Variants in TERF1 observed in about 807,000 individuals in gnomAD.
TERF1 encodes the protein telomeric repeat-binding factor 1.
TERF1 carries 20 observed loss-of-function variants against 55.1 expected under a neutral mutation model. That is an observed-to-expected ratio of 0.36 (90% CI 0.26 to 0.53). TERF1 has a LOEUF of 0.53. Among genes scored for constraint, TERF1 ranks in the 20% least tolerant of loss-of-function variants. The pLI, the probability that TERF1 is intolerant of heterozygous loss-of-function variation, is 0.91. For synonymous variants in TERF1, 168 were observed against 181.2 expected (o/e 0.93, Z 0.59); for missense variants, 439 against 535.7 (o/e 0.82, Z 1.78).
In TERF1 at chr8:73,009,128, T is replaced by C; in HGVS notation, c.242T>C (p.Phe81Ser). ...EAVAAGWMLD[F>S]LCLSLCRAFR... ...GTGGCTGCCGGCTGGATGCTCGATT[T>C]CCTCTGCCTCTCTCTTTGCCGAGCT... The change falls in exon 1 of 10, where the codon TTC becomes TCC. Residue 81 changes from phenylalanine to serine, a missense_variant. Around this residue, in one of 4 missense-constraint regions of TERF1, gnomAD observed 179 missense variants for 152.6 expected, o/e 1.17. Coordinates refer to ENST00000276603, the MANE Select transcript of TERF1 (RefSeq NM_017489.3). The C allele has an allele frequency of 6.2e-7, 1 of 1,611,134 alleles. No homozygotes were observed. Among genetic ancestry groups the C allele is most frequent in the Non-Finnish European group, 8.5e-7 (1 of 1,179,732 alleles).
At chr8:73,021,705 A>G (rs570250860) in intron 3 of TERF1, among the ~76,000 whole-genome samples, 36 of 152,188 alleles carry the variant, frequency 2.4e-4, no homozygotes, top group Non-Finnish European at 4.4e-4. Flanking sequence ...CCAAATGGTA[A>G]GTGGTCCTGT....
intron 5 of TERF1, among the ~76,000 whole-genome samples, chr8:73,025,431 GA>G (rs1232097773): frequency 6.6e-6 from 1 of 150,684 alleles, no homozygotes. Flanking sequence ...GCGACATGGT[GA>G]AACCCCTTAT....
intron 6 of TERF1, among the ~76,000 whole-genome samples, chr8:73,028,379 A>C (rs1303529942): frequency 1.3e-5 from 2 of 152,084 alleles, no homozygotes; most frequent in African/African-American, 4.8e-5. Context: ...CACCTCAGAA[A>C]TGCTTCTCCA....
chr8:73,042,545 C>G (rs1048762759), intron 9 of TERF1, among the ~76,000 whole-genome samples: 1 of 152,000 alleles, frequency 6.6e-6, no homozygotes, highest in African/African-American at 2.4e-5. Context: ...GATATTTCTT[C>G]CTTCCTCATC....
chr8:73,029,565 T>G (rs1349080126), intron 6 of TERF1, among the ~76,000 whole-genome samples: 4 of 130,698 alleles, frequency 3.1e-5, no homozygotes, highest in Admixed American at 7.3e-5. Flanking sequence ...AAGCTGTGTT[T>G]GTGCCACTGC....
At chr8:73,022,040 C>T (rs1490593476) in intron 3 of TERF1, among the ~76,000 whole-genome samples, 176 bp from the exon 4 acceptor site, 3 of 152,030 alleles carry the variant, frequency 2.0e-5, no homozygotes, top group Admixed American at 6.6e-5. Flanking sequence ...TCATTTCAAG[C>T]GACACTTATT....
chr8:73,041,545 G>C (rs1257449961), intron 9 of TERF1, among the ~76,000 whole-genome samples: 2 of 152,180 alleles, frequency 1.3e-5, no homozygotes, highest in Non-Finnish European at 1.5e-5. Flanking sequence ...GAAGGCTAGA[G>C]AGGGGTGGAG....
rs1465470533 is a variant in TERF1, at chr8:73,047,293, T to C, written c.*1156T>C. On this transcript the variant is annotated 3_prime_UTR_variant, in exon 10 of 10. Coordinates refer to ENST00000276603, the MANE Select transcript of TERF1 (RefSeq NM_017489.3). ...TCTCATTTAGAAACAATTTGACTTT[T>C]GTTCCAGTGTTTAAACTTTGACAAA... 1.3e-5 allele frequency: 2 copies of C among 152,192 alleles called. No individual in the cohort carries two copies. Among genetic ancestry groups the C allele is most frequent in the African/African-American group, 4.8e-5 (2 of 41,434 alleles). 9.4% of individuals were successfully genotyped at this position (152,192 alleles called of 1,614,324 possible).
Position 73,009,090 on chromosome 8 carries a change from CG to C in TERF1, c.205del (p.Glu69ArgfsTer47), listed in dbSNP as rs779461763. 6.2e-7 allele frequency: 1 copy of C among 1,609,290 alleles called. No homozygotes were observed. The highest frequency in any genetic ancestry group is 8.5e-7 in the Non-Finnish European group (1 of 1,178,542). Reference sequence around the variant, plus strand: ...AGGAGGAGGACGCGGGCCTGGTGGCCGAGGCCGAGGCCGTGGCTGCCGGCTG... The same window carrying C: ...AGGAGGAGGACGCGGGCCTGGTGGCCAGGCCGAGGCCGTGGCTGCCGGCTG... ...EEEEDAGLVA[E>X]AEAVAAGWML... On this transcript the variant is annotated frameshift_variant, in exon 1 of 10. Transcript: ENST00000276603. LOFTEE classifies it high-confidence loss of function.
At chr8:73,033,351 C>G (rs192991058) in intron 8 of TERF1, among the ~76,000 whole-genome samples, 21 of 152,170 alleles carry the variant, frequency 1.4e-4, no homozygotes, top group Admixed American at 7.8e-4. Flanking sequence ...ATACCTATTG[C>G]TGCAAGACGG....
intron 2 of TERF1, among the ~76,000 whole-genome samples, chr8:73,015,070 C>T (rs939748813): frequency 2.6e-5 from 4 of 152,176 alleles, no homozygotes; most frequent in African/African-American, 9.7e-5. Context: ...AGCAGTTGTT[C>T]AGCACATCTT....
intron 2 of TERF1, among the ~76,000 whole-genome samples, chr8:73,019,807 T>C (rs1808673614): frequency 6.6e-6 from 1 of 152,244 alleles, no homozygotes; most frequent in Non-Finnish European, 1.5e-5. Flanking sequence ...CACATTACGC[T>C]GTTCTCAGCT....
In TERF1 at chr8:73,009,021, C is replaced by T. The variant is rs771416590; in HGVS notation, c.135C>T (p.Leu45=). 33 of 1,611,108 alleles carry T rather than the reference C, an allele frequency of 2.0e-5. No individual in the cohort carries two copies. The South Asian group carries it at 3.2e-4, about 16-fold the overall frequency. Residue 45 remains leucine (L), a synonymous_variant, in exon 1 of 10, where the codon CTC becomes CTT. Transcript: ENST00000276603. ...AGCAGTTCGAATGCCAGGAACTGCT[C>T]GAGTGCCAGGTGCAGGTGGGGGCCC... is the stretch of plus-strand genomic sequence containing the variant. ...DEEQFECQEL[L]ECQVQVGAPE...
chr8:73,030,199 A>G (rs568718302), intron 6 of TERF1, 137 bp from the exon 7 acceptor site: 1 of 560,972 alleles, frequency 1.8e-6, no homozygotes, highest in East Asian at 3.4e-5. Flanking sequence ...TGGACTGTAT[A>G]TGTCCCGATG....
intron 6 of TERF1, among the ~76,000 whole-genome samples, chr8:73,028,571 ATTTTTT>A (rs59423351): frequency 2.9e-5 from 3 of 104,416 alleles, no homozygotes; most frequent in African/African-American, 1.1e-4. Context: ...ACGTAGACCC[ATTTTTT>A]TTTTTTTTTT....
Position 73,045,891 on chromosome 8 carries a change from G to A in TERF1, c.1144-70G>A, listed in dbSNP as rs1450043928. On this transcript the variant is annotated intron_variant, in intron 9 of 9. Transcript: ENST00000276603. The stretch of plus-strand genomic sequence containing the variant: ...GCATTATTTTGATTTTTTAAAACTG[G>A]CATTTATAGTAGGTATTTTCTTTTT... 9.0e-6 allele frequency: 11 copies of A among 1,217,624 alleles called. No individual in the cohort carries two copies. The Admixed American group carries it at 1.2e-4, about 13-fold the overall frequency. The allele number at this position is 1,217,624 out of a possible 1,614,324, so 75.4% of individuals were successfully genotyped here.
chr8:73,034,854 T>C (rs1432669029), intron 8 of TERF1, among the ~76,000 whole-genome samples: 1 of 151,988 alleles, frequency 6.6e-6, no homozygotes, highest in Non-Finnish European at 1.5e-5. Flanking sequence ...ATGCCTTTGG[T>C]TACACAGTGT....
intron 8 of TERF1, chr8:73,038,846 A>T: frequency 2.3e-5 from 15 of 647,720 alleles, no homozygotes; most frequent in East Asian, 7.7e-5. Flanking sequence ...CTTTTTTTTT[A>T]AACAGATAAT....
intron 8 of TERF1, among the ~76,000 whole-genome samples, chr8:73,037,398 G>C (rs1057076480): frequency 1.8e-5 from 2 of 111,092 alleles, no homozygotes; most frequent in Non-Finnish European, 3.6e-5. Context: ...TAAAATATTT[G>C]GGGGGAAAAT....
Sources: allele counts gnomAD v4.1 joint callset (sites outside exome capture counted in the v4.1 genomes callset), GRCh38; gene constraint gnomAD v4.1.1; regional missense constraint gnomAD v4.1.1; transcripts MANE v1.5; gene names NCBI Gene and HGNC (gene_info 2026-07-23, HGNC 2026-07-21).